The following LY75 variants were observed in gnomAD, a reference collection of about 807,000 sequenced individuals.
LY75 encodes C-type lectin domain family 13 member B.
Under a neutral mutation model 231.7 loss-of-function variants are expected in LY75, and 185 were observed. The ratio of observed to expected loss-of-function variants is 0.80; its 90% confidence interval spans 0.71 to 0.90. The LOEUF is 0.90. Among genes scored for constraint, LY75 ranks in the 40% least tolerant of loss-of-function variants. The probability of loss-of-function intolerance (pLI) is 0.00; values close to 1 mark genes in which losing one functional copy is unlikely to be tolerated. For missense variants in LY75, 1,947 were observed against 2,050.2 expected, an observed-to-expected ratio of 0.95 and a Z score of 0.97; for synonymous variants, 668 against 689.0, an observed-to-expected ratio of 0.97 and a Z score of 0.48.
intron 13 of LY75, chr2:159,871,733 C>T (rs1406270906): frequency 1.3e-5 from 2 of 152,134 alleles, no homozygotes; most frequent in East Asian, 3.9e-4. Context: ...CTTTGGGAGG[C>T]TGAGGTGGGC....
intron 12 of LY75, 156 bp from the exon 13 acceptor site, chr2:159,872,749 G>T: frequency 2.6e-6 from 1 of 383,202 alleles, no homozygotes; most frequent in Non-Finnish European, 3.6e-6. Flanking sequence ...GACACAGACA[G>T]GTCCTGCTGA....
At position 159,831,787 on chromosome 2, in the gene LY75, CT is replaced by C; in HGVS notation, c.3842-2del. On this transcript the variant is annotated splice_acceptor_variant, in intron 27 of 34. Coordinates refer to ENST00000263636, the MANE Select transcript of LY75 (RefSeq NM_002349.4). LOFTEE classifies it high-confidence loss of function. The stretch of plus-strand genomic sequence containing the variant: ...ATACTCAGAATATGTGATTTTGGAT[CT>C]GTTGAATAAAAAATAATCAATAATT... 1.9e-6 allele frequency: 3 copies of C among 1,596,812 alleles called. No individual in the cohort carries two copies. The highest frequency in any genetic ancestry group is 2.6e-6 in the Non-Finnish European group (3 of 1,172,568).
intron 2 of LY75, among the ~76,000 whole-genome samples, chr2:159,897,161 G>A (rs1038174246): frequency 6.6e-6 from 1 of 152,058 alleles, no homozygotes; most frequent in African/African-American, 2.4e-5. Context: ...TGAAGACACT[G>A]GGGACTGAGG....
At chr2:159,851,813 T>C (rs914306139) in intron 21 of LY75, among the ~76,000 whole-genome samples, 1 of 152,234 alleles carries the variant, frequency 6.6e-6, no homozygotes, top group African/African-American at 2.4e-5. Context: ...CTGGTCTAAT[T>C]TGATTGGCAG....
At position 159,803,546 on chromosome 2, in the gene LY75, A is replaced by C. The variant is rs1682716419; in HGVS notation, c.*1498T>G. The C allele has an allele frequency of 6.6e-6, 1 of 152,236 alleles. No homozygotes were observed. Among genetic ancestry groups the C allele is most frequent in the African/African-American group, 2.4e-5 (1 of 41,466 alleles). The allele number at this position is 152,236 out of a possible 1,614,324, so 9.4% of individuals were successfully genotyped here. A position where few individuals can be genotyped will look rare whatever the true frequency, so the allele number is the denominator to read the frequency against. The stretch of plus-strand genomic sequence containing the variant: ...TCAGGACAACTGTAGACTATATAAA[A>C]ACTGTCTTAGAAAATTATTTACAAC... On this transcript the variant is annotated 3_prime_UTR_variant, in exon 35 of 35. Coordinates refer to ENST00000263636, the MANE Select transcript of LY75 (RefSeq NM_002349.4).
In LY75 at chr2:159,898,732, T is replaced by C. The variant is rs1280909466; in HGVS notation, c.422A>G (p.Lys141Arg). The change falls in exon 2 of 35, where the codon AAG (lysine) becomes AGG (arginine). Residue 141 changes from lysine to arginine, a missense_variant. By Grantham distance (26) the Lys-to-Arg change is conservative. Coordinates refer to ENST00000263636, the MANE Select transcript of LY75 (RefSeq NM_002349.4). ...AAGGCTTTCCTCTGAGCCTCCTTTCTTCCAGACATCAGATGCATTTGAGAT... is the reference window on the plus strand; with the variant it reads ...AAGGCTTTCCTCTGAGCCTCCTTTCCTCCAGACATCAGATGCATTTGAGAT... ...TAISNASDVWKKGGSEESLCD... is the reference protein window; with the variant it reads ...TAISNASDVWRKGGSEESLCD... The C allele has an allele frequency of 5.0e-6, 8 of 1,614,038 alleles. No homozygotes were observed. Among genetic ancestry groups the C allele is most frequent in the African/African-American group, 1.3e-5 (1 of 74,934 alleles).
rs1684813431 is a variant in LY75, at chr2:159,864,852, C to T, written c.2186G>A (p.Ser729Asn). ...SPDLQGSWQW[S>N]DRTPVSTIIM... ...GTTTTAACTTACTGGTGTACGATCA[C>T]TCCATTGCCAGGATCCTTGTAAATC... Residue 729 changes from serine (S) to asparagine (N), a missense_variant, in exon 14 of 35, where the codon AGT becomes AAT. Physicochemically the swap from Ser to Asn is conservative, Grantham distance 46. Coordinates refer to ENST00000263636, the MANE Select transcript of LY75 (RefSeq NM_002349.4). 1 of 1,603,148 alleles carries T rather than the reference C, an allele frequency of 6.2e-7. No homozygotes were observed. The highest frequency in any genetic ancestry group is 1.3e-5 in the African/African-American group (1 of 74,720).
chr2:159,819,453 C>T (rs1380528007), intron 29 of LY75, among the ~76,000 whole-genome samples: 1 of 151,936 alleles, frequency 6.6e-6, no homozygotes, highest in African/African-American at 2.4e-5. Context: ...TTGACTTCCC[C>T]ACAATTTAAG....
rs761049709 is a variant in LY75 at position 159,881,118 on chromosome 2, T to C, written c.1369A>G (p.Asn457Asp). The change falls in exon 8 of 35, where the codon AAT (asparagine) becomes GAT (aspartate). Residue 457 changes from asparagine (N) to aspartate (D), a missense_variant. Transcript: ENST00000263636. ...TAGGAAACACAGTTGGGCGTCTTAT[T>C]GTAGGGAACATTTGGCTCATTCTCA... is the stretch of plus-strand genomic sequence containing the variant. ...WDENEPNVPY[N>D]KTPNCVSYLG... is the part of the protein sequence containing the mutation. 6.8e-6 allele frequency: 11 copies of C among 1,613,798 alleles called. No individual in the cohort carries two copies. The South Asian group carries it at 8.8e-5, about 13-fold the overall frequency.
At chr2:159,825,726 C>T (rs1197733833) in intron 28 of LY75, among the ~76,000 whole-genome samples, 2 of 152,128 alleles carry the variant, frequency 1.3e-5, no homozygotes, top group African/African-American at 4.8e-5. Context: ...ACTGGCAAAC[C>T]GAATCCAGCA....
intron 29 of LY75, among the ~76,000 whole-genome samples, 192 bp downstream of exon 29, chr2:159,819,534 A>G (rs1560065060): frequency 6.6e-6 from 1 of 152,138 alleles, no homozygotes; most frequent in Non-Finnish European, 1.5e-5. Context: ...CTCCACAACT[A>G]CATTTTACTC....
chr2:159,883,364 C>A (rs1164987314), intron 6 of LY75, among the ~76,000 whole-genome samples: 2 of 151,432 alleles, frequency 1.3e-5, no homozygotes, highest in Non-Finnish European at 2.9e-5. Context: ...TAGCCTCTTA[C>A]ACTTGCGAGA....
At chr2:159,858,018 AT>A (rs1406769572) in intron 16 of LY75, among the ~76,000 whole-genome samples, 1 of 152,038 alleles carries the variant, frequency 6.6e-6, no homozygotes, top group East Asian at 1.9e-4. Flanking sequence ...GATTATCTTT[AT>A]TTTTTCATTT....
At chr2:159,873,319 C>G (rs188256061) in intron 12 of LY75, among the ~76,000 whole-genome samples, 1 of 152,076 alleles carries the variant, frequency 6.6e-6, no homozygotes, top group Admixed American at 6.6e-5. Flanking sequence ...GTCTTTGTAC[C>G]TTGGCATGGG....
At chr2:159,833,939 A>G (rs1043974202) in intron 27 of LY75, 105 bp downstream of exon 27, 2 of 1,299,482 alleles carry the variant, frequency 1.5e-6, no homozygotes, top group African/African-American at 3.0e-5. Flanking sequence ...AGGCCTCCCC[A>G]GCCATGTGGA....
In LY75 at chr2:159,872,536, A is replaced by T. The variant is rs1187097776; in HGVS notation, c.2032T>A (p.Cys678Ser). 1 of 1,614,028 alleles carries T rather than the reference A, an allele frequency of 6.2e-7. No individual in the cohort carries two copies. Among genetic ancestry groups the T allele is most frequent in the Non-Finnish European group, 8.5e-7 (1 of 1,179,932 alleles). The part of the protein sequence containing the change: ...KRNWEEAERF[C>S]QALGAHLSSF... ...GAAAGGTGTGCTCCAAGGGCTTGGC[A>T]GAATCGTTCAGCTTCTTCCCAGTTC... Residue 678 changes from cysteine to serine, a missense_variant, in exon 13 of 35, where the codon TGC becomes AGC. Cys to Ser is a moderately radical substitution (Grantham distance 112). Coordinates refer to ENST00000263636, the MANE Select transcript of LY75 (RefSeq NM_002349.4).
intron 2 of LY75, among the ~76,000 whole-genome samples, chr2:159,898,099 TCTC>T (rs986613258): frequency 5.9e-5 from 9 of 152,036 alleles, no homozygotes; most frequent in Non-Finnish European, 2.9e-5. Context: ...TTTTCCTCCT[TCTC>T]CTTCTTTTCT....
intron 25 of LY75, among the ~76,000 whole-genome samples, chr2:159,837,321 G>A (rs1256388335): frequency 3.9e-5 from 6 of 152,170 alleles, no homozygotes; most frequent in African/African-American, 1.2e-4. Flanking sequence ...AAAAAAGAAC[G>A]AAATCATCTC....
chr2:159,856,702 T>A (rs867436220), intron 16 of LY75, among the ~76,000 whole-genome samples: 1 of 152,208 alleles, frequency 6.6e-6, no homozygotes, highest in Non-Finnish European at 1.5e-5. Context: ...TGCATGGGGA[T>A]AATGGAGGTG....
Sources: allele counts gnomAD v4.1 joint callset (sites outside exome capture counted in the v4.1 genomes callset), GRCh38; gene constraint gnomAD v4.1.1; transcripts MANE v1.5; gene names NCBI Gene and HGNC (gene_info 2026-07-23, HGNC 2026-07-21).